The following CDC42BPB variants were observed in gnomAD, a reference collection of about 807,000 sequenced individuals.
CDC42BPB encodes CDC42 binding protein kinase beta.
CDC42BPB carries 37 observed loss-of-function variants against 214.9 expected under a neutral mutation model. The ratio of observed to expected loss-of-function variants is 0.17; its 90% CI spans 0.13 to 0.23. The LOEUF is 0.23. Ranked by LOEUF, CDC42BPB falls within the 10% of genes least tolerant of loss-of-function variation. The pLI is 1.00. For missense variants in CDC42BPB, 1,694 were observed against 2,227.0 expected (o/e 0.76, Z 4.82); for synonymous variants, 931 against 884.0 (o/e 1.05, Z -0.94).
In CDC42BPB at chr14:103,002,612, C is replaced by CG. The variant is rs36032783; in HGVS notation, c.447+1315dup. ...GGGAGCAGGGACACTGAGCAGGAAG[C>CG]GGGGGGGTTTATGTGGAGGTGGCCC... On this transcript the variant is annotated intron_variant, in intron 4 of 36. Coordinates refer to ENST00000361246, the MANE Select transcript of CDC42BPB (RefSeq NM_006035.4). Among the ~76,000 whole-genome samples the CG allele has an allele frequency of 3.3e-3, 503 of 152,072 alleles. 2 individuals carry two copies. Among genetic ancestry groups the CG allele is most frequent in the African/African-American group, 0.01 (431 of 41,466 alleles).
rs1475604749 is a variant in CDC42BPB, at chr14:102,932,648, CCAAGCTGTGGA to C, written c.*1053_*1063del. On this transcript the variant is annotated 3_prime_UTR_variant, in exon 37 of 37. Transcript: ENST00000361246. ...GGTGGGAGGACAGGGGAAGCCTGGCCCAAGCTGTGGACAAGCTGTGTCTGCCGCCACAGTTA... is the reference window on the plus strand; with the variant it reads ...GGTGGGAGGACAGGGGAAGCCTGGCCCAAGCTGTGTCTGCCGCCACAGTTA... 7 of 152,302 alleles carry C rather than the reference CCAAGCTGTGGA, an allele frequency of 4.6e-5. No individual in the cohort carries two copies. Among genetic ancestry groups the C allele is most frequent in the Non-Finnish European group, 8.8e-5 (6 of 68,038 alleles). The allele number at this position is 152,302 out of a possible 1,614,324, so 9.4% of individuals were successfully genotyped here.
intron 30 of CDC42BPB, chr14:102,941,323 G>C (rs1891879040): frequency 1.0e-6 from 1 of 985,468 alleles, no homozygotes; most frequent in Non-Finnish European, 1.2e-6. Context: ...CTCACTGTCT[G>C]AAGATGCATT....
At chr14:103,030,684 A>C (rs1325519195) in intron 1 of CDC42BPB, among the ~76,000 whole-genome samples, 1 of 147,760 alleles carries the variant, frequency 6.8e-6, no homozygotes, top group African/African-American at 2.5e-5. Context: ...TGACAGAGGG[A>C]GGCTCCATCT....
intron 4 of CDC42BPB, among the ~76,000 whole-genome samples, chr14:103,002,444 T>C (rs576479771): frequency 2.0e-5 from 3 of 152,334 alleles, no homozygotes; most frequent in Admixed American, 2.0e-4. Flanking sequence ...GGCAGCACGC[T>C]ATGCTAATTT....
intron 3 of CDC42BPB, among the ~76,000 whole-genome samples, chr14:103,006,238 T>A (rs766201108): frequency 6.6e-5 from 10 of 152,172 alleles, no homozygotes; most frequent in Non-Finnish European, 1.3e-4. Context: ...ACCTCCTGTC[T>A]TCCAGAACGC....
intron 1 of CDC42BPB, among the ~76,000 whole-genome samples, chr14:103,029,652 C>G (rs756491542): frequency 1.3e-5 from 2 of 151,194 alleles, no homozygotes; most frequent in Non-Finnish European, 1.5e-5. Context: ...GTCAAGAGAT[C>G]GAGAGCATCC....
rs758052740 is a variant in CDC42BPB, at chr14:102,964,663, T to G, written c.2578-13A>C. The stretch of plus-strand genomic sequence containing the variant: ...TCCACAGCGGGTCCTTGAGACACGG[T>G]CATGGCGTTAAAAATGCATTTTCAG... On this transcript the variant is annotated splice_polypyrimidine_tract_variant and intron_variant, in intron 18 of 36. Coordinates refer to ENST00000361246, the MANE Select transcript of CDC42BPB (RefSeq NM_006035.4). 4.9e-5 allele frequency: 78 copies of G among 1,586,478 alleles called. No homozygotes were observed. Among genetic ancestry groups the G allele is most frequent in the Non-Finnish European group, 6.1e-5 (71 of 1,165,020 alleles).
At chr14:102,991,214 A>G (rs1894474444) in intron 5 of CDC42BPB, among the ~76,000 whole-genome samples, 1 of 152,244 alleles carries the variant, frequency 6.6e-6, no homozygotes, top group Non-Finnish European at 1.5e-5. Context: ...ACCTGTGGAA[A>G]TGACACCCTG....
chr14:102,966,680 CTCT>C (rs1280339276), intron 17 of CDC42BPB: 1 of 254,124 alleles, frequency 3.9e-6, no homozygotes, highest in Non-Finnish European at 6.2e-6. Context: ...AAAATAAAAA[CTCT>C]TTTTTTAATT....
intron 12 of CDC42BPB, 30 bp downstream of exon 12, chr14:102,973,986 G>A (rs990900753): frequency 8.8e-6 from 14 of 1,583,842 alleles, no homozygotes; most frequent in African/African-American, 4.1e-5. Flanking sequence ...AGTCCCGTAA[G>A]CCTTTCTCAC....
chr14:103,008,335 A>G, intron 3 of CDC42BPB, 137 bp downstream of exon 3: 2 of 628,096 alleles, frequency 3.2e-6, no homozygotes, highest in East Asian at 5.4e-5. Context: ...CCTCCTCAAA[A>G]GAGAGTGCTC....
At chr14:102,938,235 G>A in intron 35 of CDC42BPB, 61 bp from the exon 36 acceptor site, 1 of 1,603,220 alleles carries the variant, frequency 6.2e-7, no homozygotes, top group South Asian at 1.1e-5. Context: ...CAAATGCCTG[G>A]GGTCTCCCCA....
At chr14:102,970,927 T>C (rs1893445432) in intron 13 of CDC42BPB, among the ~76,000 whole-genome samples, 1 of 152,208 alleles carries the variant, frequency 6.6e-6, no homozygotes, top group Non-Finnish European at 1.5e-5. Context: ...GGCCTTCTCA[T>C]TTATGGGATT....
chr14:103,053,208 C>T (rs753079692), intron 1 of CDC42BPB, among the ~76,000 whole-genome samples: 9 of 151,906 alleles, frequency 5.9e-5, no homozygotes, highest in South Asian at 4.2e-4. Flanking sequence ...ATTAGCCAGG[C>T]GTGGTGGCAG....
At chr14:103,003,542 C>T (rs563679046) in intron 4 of CDC42BPB, among the ~76,000 whole-genome samples, 104 of 152,218 alleles carry the variant, frequency 6.8e-4, no homozygotes, top group Non-Finnish European at 1.3e-3. Flanking sequence ...TGCAGGCCCA[C>T]GAGAGGCACT....
intron 30 of CDC42BPB, among the ~76,000 whole-genome samples, chr14:102,942,028 T>A (rs975572094): frequency 2.0e-5 from 3 of 152,228 alleles, no homozygotes; most frequent in Non-Finnish European, 4.4e-5. Context: ...AGATTATAAA[T>A]ACATTGCACT....
intron 2 of CDC42BPB, among the ~76,000 whole-genome samples, chr14:103,011,573 C>T (rs1886161910): frequency 6.6e-6 from 1 of 151,928 alleles, no homozygotes; most frequent in African/African-American, 2.4e-5. Flanking sequence ...GGCAAAACCT[C>T]ATCTCTACAA....
intron 14 of CDC42BPB, among the ~76,000 whole-genome samples, chr14:102,969,406 T>C (rs968901995): frequency 1.3e-5 from 2 of 152,092 alleles, no homozygotes; most frequent in Non-Finnish European, 1.5e-5. Context: ...GGCTTTGGTC[T>C]GCCAAGCTCA....
intron 1 of CDC42BPB, among the ~76,000 whole-genome samples, chr14:103,039,869 A>AT (rs1442740225): frequency 5.3e-5 from 8 of 152,142 alleles, no homozygotes; most frequent in South Asian, 2.1e-4. Context: ...AATTTATATG[A>AT]TTTTTTATGT....
Sources: gnomAD v4.1 joint callset for allele counts (sites outside exome capture counted in the v4.1 genomes callset) on GRCh38, gnomAD v4.1.1 for gene constraint, MANE v1.5 for transcripts, NCBI Gene and HGNC (gene_info 2026-07-23, HGNC 2026-07-21) for gene names.